CA10: variants seen among roughly 807,000 people sequenced by gnomAD.
The protein encoded by CA10 is carbonic anhydrase-related protein 10.
In CA10, 14 loss-of-function variants were observed where a neutral mutation model predicts 44.2. That is an observed-to-expected ratio of 0.32 (90% CI 0.21 to 0.50). The LOEUF (loss-of-function observed/expected upper bound fraction) is 0.50, where lower values mean the gene tolerates loss of function less well. Ranked by LOEUF, CA10 falls within the 20% of genes least tolerant of loss-of-function variation. CA10 has a pLI of 0.99. For missense variants in CA10, 350 were observed against 409.7 expected (o/e 0.85, Z 1.26); for synonymous variants, 159 against 141.6 (o/e 1.12, Z -0.87).
chr17:52,039,846 G>C (rs1054183278), intron 2 of CA10, among the ~76,000 whole-genome samples: 2 of 152,088 alleles, frequency 1.3e-5, no homozygotes, highest in African/African-American at 4.8e-5. Context: ...GATAAAAGAC[G>C]ATTTAAGAGA....
chr17:51,892,901 G>A (rs1303794994), intron 3 of CA10, among the ~76,000 whole-genome samples: 1 of 152,094 alleles, frequency 6.6e-6, no homozygotes, highest in African/African-American at 2.4e-5. Context: ...GCTAGCAGCT[G>A]CAAATCCTCA....
chr17:51,680,034 G>T (rs1914786771), intron 4 of CA10, among the ~76,000 whole-genome samples: 1 of 152,166 alleles, frequency 6.6e-6, no homozygotes. Context: ...AGGCAGAGTT[G>T]AGTAGTTGCA....
chr17:51,808,810 G>A (rs1435817117), intron 3 of CA10, among the ~76,000 whole-genome samples: 1 of 152,104 alleles, frequency 6.6e-6, no homozygotes. Context: ...TTACGTTTAG[G>A]TAGGAGAACT....
At chr17:51,693,770 C>T (rs892780280) in intron 4 of CA10, among the ~76,000 whole-genome samples, 12 of 152,070 alleles carry the variant, frequency 7.9e-5, no homozygotes, top group South Asian at 4.1e-4. Flanking sequence ...GGTTGATCCA[C>T]GTCTTTGTTA....
intron 1 of CA10, among the ~76,000 whole-genome samples, chr17:52,090,454 T>C (rs945086218): frequency 2.0e-5 from 3 of 152,122 alleles, no homozygotes; most frequent in African/African-American, 7.2e-5. Flanking sequence ...AAATATTCCC[T>C]AGCATATTTT....
intron 1 of CA10, among the ~76,000 whole-genome samples, chr17:52,088,206 C>T (rs1378600343): frequency 1.1e-4 from 16 of 152,004 alleles, no homozygotes; most frequent in Admixed American, 1.0e-3. Flanking sequence ...AACAAACCTG[C>T]ACATGTACCC....
chr17:51,848,341 C>T (rs559990785), intron 3 of CA10, among the ~76,000 whole-genome samples: 1 of 152,220 alleles, frequency 6.6e-6, no homozygotes, highest in South Asian at 2.1e-4. Flanking sequence ...AGGCTTGTGC[C>T]TCACTCCTCT....
intron 4 of CA10, among the ~76,000 whole-genome samples, chr17:51,681,502 C>T (rs548413686): frequency 1.3e-5 from 2 of 152,146 alleles, no homozygotes; most frequent in Non-Finnish European, 2.9e-5. Context: ...GTGGGGGCTA[C>T]CTTGTACATT....
intron 3 of CA10, among the ~76,000 whole-genome samples, chr17:51,874,964 T>TTTTTCTTTTCTTTTC (rs771507952): frequency 9.5e-5 from 7 of 73,320 alleles, no homozygotes; most frequent in African/African-American, 1.7e-4. Flanking sequence ...TTTTTTCTTT[T>TTTTTCTTTTCTTTTC]TTTTCTTTTC....
intron 3 of CA10, among the ~76,000 whole-genome samples, chr17:51,799,253 A>G (rs576126040): frequency 2.0e-4 from 30 of 152,316 alleles, no homozygotes; most frequent in Non-Finnish European, 3.2e-4. Context: ...CAATGCTGCA[A>G]AATAAATAAC....
At chr17:51,906,339 A>C (rs949235931) in intron 3 of CA10, among the ~76,000 whole-genome samples, 2 of 152,104 alleles carry the variant, frequency 1.3e-5, no homozygotes, top group African/African-American at 2.4e-5. Flanking sequence ...GCTAAATCAA[A>C]TGATCAGCTA....
intron 4 of CA10, among the ~76,000 whole-genome samples, chr17:51,735,782 A>G (rs941769863): frequency 2.6e-5 from 4 of 151,880 alleles, no homozygotes; most frequent in Non-Finnish European, 4.4e-5. Context: ...AGAGAACTTT[A>G]TGCCAAAATA....
chr17:51,925,506 T>C (rs1982394362), intron 3 of CA10, among the ~76,000 whole-genome samples: 1 of 150,978 alleles, frequency 6.6e-6, no homozygotes, highest in Admixed American at 6.6e-5. Flanking sequence ...GAATGTAAAA[T>C]AGTATAGCCA....
chr17:51,769,964 GC>G (rs554820004), intron 3 of CA10, among the ~76,000 whole-genome samples: 41 of 152,224 alleles, frequency 2.7e-4, no homozygotes, highest in African/African-American at 9.9e-4. Flanking sequence ...CCATAAAGTT[GC>G]TACTCTGAGT....
chr17:51,769,010 A>G (rs556874114), intron 3 of CA10, among the ~76,000 whole-genome samples: 29 of 152,326 alleles, frequency 1.9e-4, no homozygotes, highest in African/African-American at 6.7e-4. Flanking sequence ...AATGATGTGC[A>G]TGTATTTTTT....
At chr17:51,773,253 C>T (rs150459893) in intron 3 of CA10, among the ~76,000 whole-genome samples, 116 of 152,316 alleles carry the variant, frequency 7.6e-4, no homozygotes, top group African/African-American at 2.7e-3. Flanking sequence ...ACATTCCCAA[C>T]CCTGGTTATA....
chr17:51,990,444 T>C (rs1441447449), intron 2 of CA10, among the ~76,000 whole-genome samples: 1 of 151,974 alleles, frequency 6.6e-6, no homozygotes, highest in Non-Finnish European at 1.5e-5. Context: ...AAAAAATTAG[T>C]ATAAATGATA....
chr17:51,797,240 G>C (rs1163320076), intron 3 of CA10, among the ~76,000 whole-genome samples: 1 of 152,222 alleles, frequency 6.6e-6, no homozygotes, highest in African/African-American at 2.4e-5. Context: ...CATGAAAAAG[G>C]ATATCCAGTT....
rs149904302 is a variant in CA10 at position 51,753,573 on chromosome 17, C to T, written c.280-5755G>A. Among the ~76,000 whole-genome samples, 291 of 152,264 alleles carry T rather than the reference C, an allele frequency of 1.9e-3. 1 individual carries two copies. The highest frequency in any genetic ancestry group is 6.6e-3 in the African/African-American group (275 of 41,550). ...CTTTACTGGGTGCCACAGGGGGTGG[C>T]GGTAAATTCTGAACCTGAATTTTCT... On this transcript the variant is annotated intron_variant, in intron 3 of 8. Coordinates refer to ENST00000451037, the MANE Select transcript of CA10 (RefSeq NM_020178.5).
Sources: allele counts gnomAD v4.1 joint callset (sites outside exome capture counted in the v4.1 genomes callset), GRCh38; gene constraint gnomAD v4.1.1; transcripts MANE v1.5; gene names NCBI Gene and HGNC (gene_info 2026-07-23, HGNC 2026-07-21).